Variants in GRM1 observed in about 807,000 individuals in gnomAD.
The protein encoded by GRM1 is glutamate metabotropic receptor 1, also known as metabotropic glutamate receptor 1.
In GRM1, 33 loss-of-function variants were observed where a neutral mutation model predicts 90.9. The ratio of observed to expected loss-of-function variants is 0.36; its 90% CI spans 0.28 to 0.49. The LOEUF is 0.49. GRM1 is among the 20% of genes least tolerant of loss of function. GRM1 has a pLI of 0.99. For missense variants in GRM1, 1,190 were observed against 1,534.3 expected, an observed-to-expected ratio of 0.78 and a Z score of 3.75; for synonymous variants, 700 against 613.2, an observed-to-expected ratio of 1.14 and a Z score of -2.09.
At chr6:146,136,261 C>A (rs996630579) in intron 1 of GRM1, among the ~76,000 whole-genome samples, 1 of 152,148 alleles carries the variant, frequency 6.6e-6, no homozygotes, top group Non-Finnish European at 1.5e-5. Context: ...GATATGTCTT[C>A]AATATACCGT....
intron 2 of GRM1, among the ~76,000 whole-genome samples, chr6:146,200,475 A>G (rs1178004986): frequency 1.3e-5 from 2 of 152,144 alleles, no homozygotes; most frequent in Non-Finnish European, 2.9e-5. Context: ...ATCACCATTA[A>G]TAGTCTTTAG....
intron 1 of GRM1, among the ~76,000 whole-genome samples, chr6:146,035,492 C>A (rs1224438168): frequency 1.3e-5 from 2 of 151,994 alleles, no homozygotes; most frequent in African/African-American, 4.8e-5. Flanking sequence ...GATTCTCTAG[C>A]TGTCTACTTT....
intron 1 of GRM1, among the ~76,000 whole-genome samples, chr6:146,077,754 T>G (rs921416230): frequency 6.6e-6 from 1 of 152,242 alleles, no homozygotes; most frequent in African/African-American, 2.4e-5. Context: ...AGCTCATTCA[T>G]TTCCACAAGT....
At chr6:146,064,187 T>G (rs1019601847) in intron 1 of GRM1, among the ~76,000 whole-genome samples, 2 of 152,304 alleles carry the variant, frequency 1.3e-5, no homozygotes, top group Middle Eastern at 3.4e-3. Context: ...CAAGTCTTCT[T>G]TATGAATCTG....
chr6:146,141,053 G>A (rs1776861233), intron 1 of GRM1, among the ~76,000 whole-genome samples: 1 of 152,144 alleles, frequency 6.6e-6, no homozygotes, highest in Admixed American at 6.5e-5. Flanking sequence ...TTTCTTGTAG[G>A]ACATGTCTGG....
intron 3 of GRM1, among the ~76,000 whole-genome samples, chr6:146,317,301 A>T (rs1453915657): frequency 6.6e-6 from 1 of 152,184 alleles, no homozygotes; most frequent in East Asian, 1.9e-4. Flanking sequence ...TTGCACATTT[A>T]ATTTTTCTAC....
At chr6:146,352,637 A>T in intron 4 of GRM1, 141 bp downstream of exon 4, 1 of 815,436 alleles carries the variant, frequency 1.2e-6, no homozygotes, top group Middle Eastern at 3.5e-4. Context: ...TCCAGGGATA[A>T]TATCAGATGA....
intron 1 of GRM1, among the ~76,000 whole-genome samples, chr6:146,141,316 T>A (rs776066973): frequency 3.7e-4 from 56 of 152,208 alleles, no homozygotes; most frequent in Admixed American, 1.2e-3. Flanking sequence ...TAAGATTTTT[T>A]TTTTGTCCTT....
rs1037236509 is a variant in GRM1 at position 146,029,129 on chromosome 6, A to G, written c.-389A>G. 5 of 324,116 alleles carry G rather than the reference A, an allele frequency of 1.5e-5. No homozygotes were observed. The highest frequency in any genetic ancestry group is 2.4e-5 in the Non-Finnish European group (4 of 168,484). The allele number at this position is 324,116 out of a possible 1,614,324, so 20.1% of individuals were successfully genotyped here. ...CGGACAAGGCAACTGTTAACATTAT[A>G]GACCCCAGAGTTTTAACACAGGTCC... On this transcript the variant is annotated 5_prime_UTR_variant, in exon 1 of 8. In the 5' UTR this introduces an upstream ATG that the reference lacks. Coordinates refer to ENST00000282753, the MANE Select transcript of GRM1 (RefSeq NM_001278064.2).
chr6:146,130,265 C>CTTCT (rs1358636829), intron 1 of GRM1, among the ~76,000 whole-genome samples: 2 of 137,940 alleles, frequency 1.4e-5, no homozygotes, highest in African/African-American at 5.2e-5. Flanking sequence ...TCCTTCCTTC[C>CTTCT]TTCTTTCTTT....
chr6:146,131,410 T>C lies in GRM1; in HGVS notation c.701-27938T>C, dbSNP rs143472131. Among the ~76,000 whole-genome samples, 452 of 152,122 alleles carry C rather than the reference T, an allele frequency of 3.0e-3. 3 individuals are homozygous for C. The highest frequency in any genetic ancestry group is 6.0e-3 in the Admixed American group (92 of 15,256). ...TTCAATGTGATCTTGGGCAGATTTA[T>C]TTTTCTGCACCTCAGCTGTAATGTG... On this transcript the variant is annotated intron_variant, in intron 1 of 7. Coordinates refer to ENST00000282753, the MANE Select transcript of GRM1 (RefSeq NM_001278064.2).
intron 1 of GRM1, among the ~76,000 whole-genome samples, chr6:146,052,209 C>T (rs1775316630): frequency 6.6e-6 from 1 of 151,978 alleles, no homozygotes; most frequent in Admixed American, 6.6e-5. Context: ...ATTTCTGTAA[C>T]CAAACTTTCC....
intron 2 of GRM1, among the ~76,000 whole-genome samples, chr6:146,277,112 AAATAC>A (rs540751502): frequency 3.9e-5 from 6 of 152,192 alleles, no homozygotes; most frequent in South Asian, 2.1e-4. Flanking sequence ...TCAAAAAGAT[AAATAC>A]AATACAATAC....
intron 3 of GRM1, among the ~76,000 whole-genome samples, chr6:146,311,499 A>G (rs914309609): frequency 3.9e-5 from 6 of 152,220 alleles, no homozygotes; most frequent in Non-Finnish European, 7.3e-5. Context: ...TAACTATTCA[A>G]TAGGCACAAT....
At chr6:146,287,940 C>G (rs562577119) in intron 2 of GRM1, among the ~76,000 whole-genome samples, 65 of 152,276 alleles carry the variant, frequency 4.3e-4, no homozygotes, top group Non-Finnish European at 5.7e-4. Context: ...GTAAGATAAT[C>G]AATCTGTGTT....
intron 3 of GRM1, among the ~76,000 whole-genome samples, chr6:146,322,730 C>G (rs772638490): frequency 6.6e-6 from 1 of 151,944 alleles, no homozygotes; most frequent in Non-Finnish European, 1.5e-5. Context: ...TTAGGTATAT[C>G]TCCTAATGCT....
chr6:146,371,450 T>C (rs1455285240), intron 5 of GRM1, among the ~76,000 whole-genome samples: 1 of 152,110 alleles, frequency 6.6e-6, no homozygotes, highest in Non-Finnish European at 1.5e-5. Flanking sequence ...CCCTCAAGCA[T>C]TTATCCTTTG....
At chr6:146,299,860 C>A (rs573694159) in intron 2 of GRM1, among the ~76,000 whole-genome samples, 1 of 152,244 alleles carries the variant, frequency 6.6e-6, no homozygotes, top group South Asian at 2.1e-4. Flanking sequence ...TTCCCCACAA[C>A]CTCAACCTTG....
intron 3 of GRM1, among the ~76,000 whole-genome samples, chr6:146,330,444 A>T (rs368063734): frequency 6.6e-6 from 1 of 152,182 alleles, no homozygotes; most frequent in Non-Finnish European, 1.5e-5. Context: ...ATTTGCCATC[A>T]CATGTCTTTT....
Sources: allele counts gnomAD v4.1 joint callset (sites outside exome capture counted in the v4.1 genomes callset), GRCh38; gene constraint gnomAD v4.1.1; transcripts MANE v1.5; gene names NCBI Gene and HGNC (gene_info 2026-07-23, HGNC 2026-07-21).